Variants in TMEM232 observed in about 807,000 individuals in gnomAD.
TMEM232 encodes transmembrane protein 232.
TMEM232 carries 80 observed loss-of-function variants against 78.8 expected under a neutral mutation model. That is an observed-to-expected ratio of 1.01 (90% CI 0.85 to 1.22). TMEM232 has a LOEUF of 1.22. Ranked by LOEUF, TMEM232 falls within the 50% of genes most tolerant of loss-of-function variation. The pLI is 0.00. For missense variants in TMEM232, 881 were observed against 742.2 expected, an observed-to-expected ratio of 1.19 and a Z score of -2.17; for synonymous variants, 297 against 254.3, an observed-to-expected ratio of 1.17 and a Z score of -1.60.
chr5:110,412,578 T>C (rs1381276236), intron 2 of TMEM232, among the ~76,000 whole-genome samples: 1 of 151,962 alleles, frequency 6.6e-6, no homozygotes, highest in African/African-American at 2.4e-5. Flanking sequence ...TTTTTTTTTT[T>C]TATCAGAATA....
intron 11 of TMEM232, among the ~76,000 whole-genome samples, chr5:110,565,744 TG>T (rs1177707300): frequency 2.0e-5 from 3 of 151,974 alleles, no homozygotes; most frequent in Non-Finnish European, 4.4e-5. Flanking sequence ...ACCTGCTAAA[TG>T]TGAGTGCACA....
chr5:110,734,063 A>G (rs909576626), intron 2 of TMEM232, among the ~76,000 whole-genome samples: 3 of 152,256 alleles, frequency 2.0e-5, no homozygotes, highest in Non-Finnish European at 1.5e-5. Context: ...TTAATCCTAC[A>G]GTGGACACTT....
chr5:110,635,268 TA>T, intron 5 of TMEM232, among the ~76,000 whole-genome samples: 1 of 151,974 alleles, frequency 6.6e-6, no homozygotes, highest in South Asian at 2.1e-4. Flanking sequence ...AATGAAAAAC[TA>T]ATACCAACCC....
At chr5:110,626,493 T>C (rs1784443704) in intron 6 of TMEM232, among the ~76,000 whole-genome samples, 1 of 152,018 alleles carries the variant, frequency 6.6e-6, no homozygotes. Flanking sequence ...CCCACCTCCA[T>C]GACTTTTTTC....
intron 10 of TMEM232, among the ~76,000 whole-genome samples, chr5:110,586,842 T>C (rs2149750886): frequency 6.6e-6 from 1 of 152,234 alleles, no homozygotes; most frequent in African/African-American, 2.4e-5. Context: ...GATTTAAGTT[T>C]ATTACTACTA....
chr5:110,515,317 T>G (rs529285757), intron 12 of TMEM232, among the ~76,000 whole-genome samples: 1 of 152,296 alleles, frequency 6.6e-6, no homozygotes, highest in Middle Eastern at 3.4e-3. Context: ...GAGTTTCTTC[T>G]CCTAAACCCA....
intron 1 of TMEM232, among the ~76,000 whole-genome samples, chr5:110,701,406 T>C (rs577677728): frequency 5.9e-5 from 9 of 152,074 alleles, no homozygotes; most frequent in African/African-American, 2.2e-4. Context: ...ATTTCATTGA[T>C]AAAGGATTAT....
At chr5:110,406,265 TACACACACACACACACACACACACAC>T (rs70999966) in intron 2 of TMEM232, among the ~76,000 whole-genome samples, 1 of 143,584 alleles carries the variant, frequency 7.0e-6, no homozygotes, top group African/African-American at 2.5e-5. Context: ...CAGATATATA[TACACACACACACACACACACACACAC>T]ACACACACAC....
At chr5:110,439,253 A>C (rs555897391) in intron 12 of TMEM232, among the ~76,000 whole-genome samples, 1 of 152,296 alleles carries the variant, frequency 6.6e-6, no homozygotes, top group African/African-American at 2.4e-5. Flanking sequence ...GCTACTTTTT[A>C]AAGGGAAGTT....
At chr5:110,569,268 C>T (rs1318817943) in intron 10 of TMEM232, among the ~76,000 whole-genome samples, 1 of 151,808 alleles carries the variant, frequency 6.6e-6, no homozygotes, top group African/African-American at 2.4e-5. Context: ...TACCAAGTTC[C>T]ACTTTCAAAA....
At chr5:110,593,446 A>G (rs997939965) in intron 10 of TMEM232, among the ~76,000 whole-genome samples, 4 of 152,218 alleles carry the variant, frequency 2.6e-5, no homozygotes, top group African/African-American at 9.6e-5. Flanking sequence ...CTGGGGGAAA[A>G]TATCAGATTT....
chr5:110,434,535 A>G (rs764004605), intron 12 of TMEM232, among the ~76,000 whole-genome samples: 1 of 151,756 alleles, frequency 6.6e-6, no homozygotes, highest in Non-Finnish European at 1.5e-5. Flanking sequence ...CAGATATACA[A>G]AGAAACTGGT....
intron 2 of TMEM232, among the ~76,000 whole-genome samples, chr5:110,661,594 C>A (rs1789807291): frequency 6.6e-6 from 1 of 152,124 alleles, no homozygotes; most frequent in African/African-American, 2.4e-5. Flanking sequence ...TAACAGGTGC[C>A]CAGCACTCCA....
rs73220713 is a variant in TMEM232 at position 110,431,149 on chromosome 5, C to A, written c.1704-6233G>T. ...TCAAGAGAAGTGAGCACCACACACA[C>A]CACTAAGTTTCCCCCCAAGAATGTT... is the stretch of plus-strand genomic sequence containing the variant. On this transcript the variant is annotated intron_variant, in intron 12 of 13. Coordinates refer to ENST00000455884, the MANE Select transcript of TMEM232 (RefSeq NM_001039763.4). 3.7e-3 allele frequency among the ~76,000 whole-genome samples: 563 copies of A among 151,530 alleles called. 3 individuals are homozygous for A. Among genetic ancestry groups the A allele is most frequent in the African/African-American group, 0.013 (523 of 41,382 alleles).
chr5:110,608,234 T>C (rs568660941), intron 8 of TMEM232, among the ~76,000 whole-genome samples: 2 of 152,036 alleles, frequency 1.3e-5, no homozygotes, highest in East Asian at 3.9e-4. Flanking sequence ...TTAGAGATTA[T>C]TGTGAGATTT....
intron 2 of TMEM232, among the ~76,000 whole-genome samples, chr5:110,665,687 T>C (rs1014351709): frequency 6.6e-6 from 1 of 151,914 alleles, no homozygotes; most frequent in Admixed American, 6.6e-5. Flanking sequence ...TAATTCAAGA[T>C]GATATTTGAA....
intron 1 of TMEM232, among the ~76,000 whole-genome samples, chr5:110,715,131 G>C (rs1357944952): frequency 6.6e-6 from 1 of 151,960 alleles, no homozygotes; most frequent in Admixed American, 6.6e-5. Context: ...TTTGAAAGTA[G>C]CTAAAAATAC....
intron 12 of TMEM232, among the ~76,000 whole-genome samples, chr5:110,463,969 C>T (rs776373802): frequency 6.6e-6 from 1 of 152,216 alleles, no homozygotes; most frequent in African/African-American, 2.4e-5. Context: ...AAATACTCAT[C>T]TTCCAGGTAT....
chr5:110,423,066 A>C (rs1756843981), intron 13 of TMEM232, among the ~76,000 whole-genome samples: 1 of 152,154 alleles, frequency 6.6e-6, no homozygotes, highest in South Asian at 2.1e-4. Context: ...GCATATGATA[A>C]CCCTTCAACA....
Sources: allele counts gnomAD v4.1 joint callset (sites outside exome capture counted in the v4.1 genomes callset), GRCh38; gene constraint gnomAD v4.1.1; transcripts MANE v1.5; gene names NCBI Gene and HGNC (gene_info 2026-07-23, HGNC 2026-07-21).